WASHC5: variants seen among roughly 807,000 people sequenced by gnomAD.
WASHC5 encodes the protein WASH complex subunit strumpellin.
In WASHC5, 101 loss-of-function variants were observed where a neutral mutation model predicts 150.4. The ratio of observed to expected loss-of-function variants is 0.67; its 90% CI spans 0.57 to 0.79. The LOEUF (loss-of-function observed/expected upper bound fraction) is 0.79. Ranked by LOEUF, WASHC5 falls within the 30% of genes least tolerant of loss-of-function variation. The pLI, the probability that WASHC5 is intolerant of heterozygous loss-of-function variation, is 0.00. For synonymous variants in WASHC5, 467 were observed against 491.2 expected (o/e 0.95, Z 0.65); for missense variants, 1,195 against 1,396.3 (o/e 0.86, Z 2.30).
In WASHC5 at chr8:125,039,855, A is replaced by C. The variant is rs1204412963; in HGVS notation, c.2894T>G (p.Leu965Ter). ...AGAATCAAACCGACAAGAATAATTT[A>C]ATTCATTGGCAATCTGTTGTCTCAG... is the stretch of plus-strand genomic sequence containing the variant. Reference protein sequence around the residue: ...QILRQQIANELNYSCRFDSKH... With the variant: ...QILRQQIANE The change falls in exon 24 of 29, where the codon TTA becomes TGA. Residue 965 changes from leucine (L) to a stop codon, truncating the protein, a stop_gained. Coordinates refer to ENST00000318410, the MANE Select transcript of WASHC5 (RefSeq NM_014846.4). LOFTEE classifies it high-confidence loss of function. 2 of 1,613,862 alleles carry C rather than the reference A, an allele frequency of 1.2e-6. No individual in the cohort carries two copies. Among genetic ancestry groups the C allele is most frequent in the Non-Finnish European group, 1.7e-6 (2 of 1,179,938 alleles).
In WASHC5 at chr8:125,038,932, G is replaced by A; in HGVS notation, c.2982C>T (p.His994=). Residue 994 remains histidine (H), a synonymous_variant, in exon 25 of 29, where the codon CAC becomes CAT. Coordinates refer to ENST00000318410, the MANE Select transcript of WASHC5 (RefSeq NM_014846.4). ...NKALLADIEA[H]YQDPSLPYPK... is the part of the protein sequence containing the mutation. ...GGTAAGGAAGTGAAGGGTCCTGATA[G>A]TGGGCTTCAATGTCTGCTAGGAGAG... The A allele has an allele frequency of 6.2e-7, 1 of 1,614,004 alleles. No homozygotes were observed. Among genetic ancestry groups the A allele is most frequent in the Non-Finnish European group, 8.5e-7 (1 of 1,179,850 alleles).
intron 17 of WASHC5, among the ~76,000 whole-genome samples, chr8:125,051,058 A>C (rs1036492275): frequency 6.6e-6 from 1 of 152,190 alleles, no homozygotes; most frequent in African/African-American, 2.4e-5. Context: ...CTGAATTTAC[A>C]GATGCATGTT....
At chr8:125,035,303 ACAAT>A (rs1159048931) in intron 26 of WASHC5, among the ~76,000 whole-genome samples, 1 of 152,250 alleles carries the variant, frequency 6.6e-6, no homozygotes, top group Admixed American at 6.5e-5. Flanking sequence ...AAGCAGCTTT[ACAAT>A]CAAGGTGCCA....
chr8:125,052,573 T>C (rs1816271205), intron 17 of WASHC5, among the ~76,000 whole-genome samples: 1 of 151,486 alleles, frequency 6.6e-6, no homozygotes, highest in Non-Finnish European at 1.5e-5. Flanking sequence ...ATTATACATA[T>C]ATACACATAG....
chr8:125,076,761 AG>A (rs1466314469), intron 6 of WASHC5, among the ~76,000 whole-genome samples: 7 of 143,144 alleles, frequency 4.9e-5, no homozygotes, highest in African/African-American at 1.8e-4. Flanking sequence ...AAAAAAAAAA[AG>A]TCCCATTCCT....
At chr8:125,087,499 T>C (rs944372250) in intron 1 of WASHC5, among the ~76,000 whole-genome samples, 14 of 151,956 alleles carry the variant, frequency 9.2e-5, no homozygotes, top group African/African-American at 2.9e-4. Context: ...AAGGCCAAGG[T>C]AGGAGGAATG....
At chr8:125,031,803 T>C (rs949640489) in intron 27 of WASHC5, among the ~76,000 whole-genome samples, 1 of 152,134 alleles carries the variant, frequency 6.6e-6, no homozygotes, top group African/African-American at 2.4e-5. Flanking sequence ...CTTGTGAAAT[T>C]TGCTTCTCTA....
rs551933355 is a variant in WASHC5, at chr8:125,034,460, G to A, written c.3182-2066C>T. On this transcript the variant is annotated intron_variant, in intron 26 of 28. Transcript: ENST00000318410. ...GGAGGTTGCAGTGGGCCGAGATTAC[G>A]CTACTGCACTTCAGCCTGGGTGACA... Among the ~76,000 whole-genome samples, 62 of 152,092 alleles carry A rather than the reference G, an allele frequency of 4.1e-4. 1 individual carries two copies. The South Asian group carries it at 9.6e-3, about 24-fold the overall frequency.
At position 125,024,566 on chromosome 8, in the gene WASHC5, TGGTG is replaced by T. The variant is rs1462937716; in HGVS notation, c.*47_*50del. ...TTTTCATCTTCAAATTCATTTGTGA[TGGTG>T]GGAAGATCTAAGGACAATCCTTCCA... On this transcript the variant is annotated 3_prime_UTR_variant, in exon 29 of 29. Transcript: ENST00000318410. 2.3e-6 allele frequency: 3 copies of T among 1,304,292 alleles called. No individual in the cohort carries two copies. 80.8% of individuals were successfully genotyped at this position (1,304,292 alleles called of 1,614,324 possible). A position where few individuals can be genotyped will look rare whatever the true frequency, so the allele number is the denominator to read the frequency against.
intron 25 of WASHC5, 114 bp from the exon 26 acceptor site, chr8:125,037,447 T>G (rs887581060): frequency 2.7e-6 from 2 of 737,750 alleles, no homozygotes; most frequent in African/African-American, 1.7e-5. Context: ...TTGGCTTTCC[T>G]GAAATGTGGA....
intron 26 of WASHC5, among the ~76,000 whole-genome samples, chr8:125,034,056 A>AC (rs34504325): frequency 0.39 from 58,549 of 151,996 alleles, 13,375 homozygotes; most frequent in African/African-American, 0.63. Flanking sequence ...AATAAAAAAA[A>AC]AATTTAAAAA....
intron 20 of WASHC5, among the ~76,000 whole-genome samples, chr8:125,045,747 G>T (rs1179670839): frequency 1.3e-5 from 2 of 152,184 alleles, no homozygotes; most frequent in Non-Finnish European, 2.9e-5. Flanking sequence ...CCATCTGCTT[G>T]CTTCAAAGAC....
At chr8:125,057,081 G>T (rs1267687211) in intron 15 of WASHC5, among the ~76,000 whole-genome samples, 1 of 152,180 alleles carries the variant, frequency 6.6e-6, no homozygotes, top group African/African-American at 2.4e-5. Flanking sequence ...GTTCAAAAAT[G>T]TTAAGTAACA....
At chr8:125,080,936 C>A (rs1248804747) in intron 5 of WASHC5, among the ~76,000 whole-genome samples, 1 of 152,176 alleles carries the variant, frequency 6.6e-6, no homozygotes, top group Non-Finnish European at 1.5e-5. Context: ...ACAGAAAGCA[C>A]ACTTATTTCC....
Position 125,091,714 on chromosome 8 carries a change from C to T in WASHC5, c.-224G>A, listed in dbSNP as rs972439001. 6.6e-6 allele frequency: 1 copy of T among 152,334 alleles called. No homozygotes were observed. The highest frequency in any genetic ancestry group is 1.5e-5 in the Non-Finnish European group (1 of 68,130). 9.4% of individuals were successfully genotyped at this position (152,334 alleles called of 1,614,324 possible). A position where few individuals can be genotyped will look rare whatever the true frequency, so the allele number is the denominator to read the frequency against. ...CCTCCCTCAAGGCGGCGGTCCTCTTCTATCCGCAGTCCCGGACCTGGAGCG... is the reference window on the plus strand; with the variant it reads ...CCTCCCTCAAGGCGGCGGTCCTCTTTTATCCGCAGTCCCGGACCTGGAGCG... On this transcript the variant is annotated 5_prime_UTR_variant, in exon 1 of 29. Coordinates refer to ENST00000318410, the MANE Select transcript of WASHC5 (RefSeq NM_014846.4).
intron 19 of WASHC5, 47 bp from the exon 20 acceptor site, chr8:125,047,378 C>T (rs750893716): frequency 6.5e-7 from 1 of 1,544,818 alleles, no homozygotes; most frequent in Non-Finnish European, 8.9e-7. Context: ...GATAAGATAA[C>T]CTAGTTATCC....
In WASHC5 at chr8:125,038,933, T is replaced by C. The variant is rs763980360; in HGVS notation, c.2981A>G (p.His994Arg). Residue 994 changes from histidine (H) to arginine (R), a missense_variant, in exon 25 of 29, where the codon CAC becomes CGC. His to Arg is a conservative substitution (Grantham distance 29, BLOSUM62 0). Around this residue, in one of 3 missense-constraint regions of WASHC5, gnomAD observed 997 missense variants for 1,168.1 expected, o/e 0.85. Coordinates refer to ENST00000318410, the MANE Select transcript of WASHC5 (RefSeq NM_014846.4). The part of the protein sequence containing the change: ...NKALLADIEA[H>R]YQDPSLPYPK... ...GTAAGGAAGTGAAGGGTCCTGATAGTGGGCTTCAATGTCTGCTAGGAGAGC... is the reference window on the plus strand; with the variant it reads ...GTAAGGAAGTGAAGGGTCCTGATAGCGGGCTTCAATGTCTGCTAGGAGAGC... The C allele has an allele frequency of 3.3e-5, 53 of 1,613,926 alleles. No individual in the cohort carries two copies. The East Asian group carries it at 1.2e-3, about 36-fold the overall frequency.
At position 125,076,335 on chromosome 8, in the gene WASHC5, T is replaced by G. The variant is rs1221845795; in HGVS notation, c.864+13A>C. 6.2e-7 allele frequency: 1 copy of G among 1,613,258 alleles called. No homozygotes were observed. Among genetic ancestry groups the G allele is most frequent in the South Asian group, 1.1e-5 (1 of 91,030 alleles). ...CACATTTACTGTAGAGGAAAAAAAT[T>G]AGCAATACTTGCCCAATTATCTGGA... On this transcript the variant is annotated intron_variant, in intron 7 of 28. Transcript: ENST00000318410.
chr8:125,057,666 G>A lies in WASHC5; in HGVS notation c.1765C>T (p.Leu589Phe). The A allele has an allele frequency of 6.3e-7, 1 of 1,591,532 alleles. No homozygotes were observed. Residue 589 changes from leucine (L) to phenylalanine (F), a missense_variant and splice_region_variant, in exon 15 of 29, where the codon CTT becomes TTT. Leu to Phe is a conservative substitution (Grantham distance 22). Coordinates refer to ENST00000318410, the MANE Select transcript of WASHC5 (RefSeq NM_014846.4). ...VTKLRATFLK[L>F]ASALDLPLLR... ...AGGGGCAGATCGAGGGCAGAGGCAA[G>A]CTGGAAGAAAAATAAGGTATATCTG...
Sources: gnomAD v4.1 joint callset for allele counts (sites outside exome capture counted in the v4.1 genomes callset) on GRCh38, gnomAD v4.1.1 for gene constraint, gnomAD v4.1.1 regional missense constraint, MANE v1.5 for transcripts, NCBI Gene and HGNC (gene_info 2026-07-23, HGNC 2026-07-21) for gene names.